TLCD4: variants seen among roughly 807,000 people sequenced by gnomAD.
TLCD4 encodes TLC domain-containing protein 4.
TLCD4 carries 7 observed loss-of-function variants against 24.2 expected under a neutral mutation model. The ratio of observed to expected loss-of-function variants is 0.29; its 90% confidence interval spans 0.16 to 0.54. The LOEUF is 0.54. Among genes scored for constraint, TLCD4 ranks in the 20% least tolerant of loss-of-function variants. TLCD4 has a pLI of 0.95. For missense variants in TLCD4, 259 were observed against 313.9 expected (o/e 0.82, Z 1.32); for synonymous variants, 103 against 106.4 (o/e 0.97, Z 0.20).
intron 6 of TLCD4, among the ~76,000 whole-genome samples, chr1:95,174,679 T>TA (rs1434673786): frequency 1.3e-5 from 2 of 152,160 alleles, no homozygotes; most frequent in African/African-American, 2.4e-5. Context: ...ACCCTGTCTG[T>TA]AAAAAATTTA....
At chr1:95,142,130 CTTT>C (rs35609217) in intron 1 of TLCD4, among the ~76,000 whole-genome samples, 2 of 119,272 alleles carry the variant, frequency 1.7e-5, no homozygotes, top group Middle Eastern at 4.3e-3. Context: ...GCCTTAGTGC[CTTT>C]TTTTTTTTTT....
the TLCD4 span, among the ~76,000 whole-genome samples, chr1:95,110,798 A>G: frequency 4.0e-5 from 6 of 149,668 alleles, no homozygotes; most frequent in Non-Finnish European, 8.9e-5. Context: ...TGGAGGTTGC[A>G]GTGAGCTGAG....
At chr1:95,122,653 G>A (rs1469109553) in intron 1 of TLCD4, among the ~76,000 whole-genome samples, 1 of 152,118 alleles carries the variant, frequency 6.6e-6, no homozygotes, top group Non-Finnish European at 1.5e-5. Context: ...CTGACTCCAT[G>A]GAGCTCAATT....
At chr1:95,097,620 G>GTTGTA in the TLCD4 span, among the ~76,000 whole-genome samples, 1 of 152,218 alleles carries the variant, frequency 6.6e-6, no homozygotes, top group Non-Finnish European at 1.5e-5. Context: ...TACCTAAGAG[G>GTTGTA]TGTGTGTGAG....
intron 6 of TLCD4, among the ~76,000 whole-genome samples, chr1:95,174,853 G>A (rs1557694833): frequency 6.6e-6 from 1 of 152,112 alleles, no homozygotes. Flanking sequence ...TCTGCTCACT[G>A]CAACCTCCAC....
At chr1:95,181,098 G>GA (rs1339109440) in intron 6 of TLCD4, among the ~76,000 whole-genome samples, 5 of 150,600 alleles carry the variant, frequency 3.3e-5, no homozygotes, top group African/African-American at 1.2e-4. Context: ...CTCTGTCTCA[G>GA]AAAAAAACAA....
chr1:95,096,164 A>G, the TLCD4 span, among the ~76,000 whole-genome samples: 1 of 152,250 alleles, frequency 6.6e-6, no homozygotes, highest in Non-Finnish European at 1.5e-5. Flanking sequence ...CCAATTAGCC[A>G]TTCAAATTTT....
At chr1:95,178,755 TA>T (rs1387571560) in intron 6 of TLCD4, among the ~76,000 whole-genome samples, 9 of 152,152 alleles carry the variant, frequency 5.9e-5, no homozygotes, top group East Asian at 1.9e-4. Flanking sequence ...AATATTCCTG[TA>T]TTATAGTCAT....
intron 1 of TLCD4, among the ~76,000 whole-genome samples, chr1:95,139,090 A>G (rs1161477911): frequency 1.3e-5 from 2 of 148,760 alleles, no homozygotes; most frequent in East Asian, 4.0e-4. Flanking sequence ...CGGGAGGATC[A>G]CTTGAGCCTA....
intron 1 of TLCD4, among the ~76,000 whole-genome samples, chr1:95,127,961 T>C (rs899242974): frequency 1.3e-5 from 2 of 152,184 alleles, no homozygotes; most frequent in Admixed American, 6.5e-5. Context: ...GATTTCTTTA[T>C]AAAAGTTTTA....
chr1:95,103,355 G>C, the TLCD4 span, among the ~76,000 whole-genome samples: 4 of 152,132 alleles, frequency 2.6e-5, no homozygotes, highest in African/African-American at 9.7e-5. Flanking sequence ...CTCCTATGTA[G>C]GAAAGAAGAG....
rs573257311 is a variant in TLCD4 at position 95,161,776 on chromosome 1, G to A, written c.399+10357G>A. On this transcript the variant is annotated intron_variant, in intron 5 of 6. Coordinates refer to ENST00000370203, the MANE Select transcript of TLCD4 (RefSeq NM_152487.3). The stretch of plus-strand genomic sequence containing the variant: ...CGTTATGTACCCAGTAGTCATTCAG[G>A]AGCAGGTTGTTCAGTTTCCATGTAG... Among the ~76,000 whole-genome samples the A allele has an allele frequency of 3.3e-5, 5 of 152,306 alleles. No individual in the cohort carries two copies. The South Asian group carries it at 6.2e-4, about 19-fold the overall frequency.
chr1:95,189,067 A>G (rs1347774345), intron 6 of TLCD4, among the ~76,000 whole-genome samples: 1 of 152,196 alleles, frequency 6.6e-6, no homozygotes, highest in Non-Finnish European at 1.5e-5. Flanking sequence ...ATCTCATGGA[A>G]AAAATCTAGC....
In TLCD4 at chr1:95,195,057, G is replaced by C. The variant is rs1679151156; in HGVS notation, c.*3189G>C. 1 of 152,082 alleles carries C rather than the reference G, an allele frequency of 6.6e-6. No homozygotes were observed. Among genetic ancestry groups the C allele is most frequent in the African/African-American group, 2.4e-5 (1 of 41,402 alleles). 9.4% of individuals were successfully genotyped at this position (152,082 alleles called of 1,614,324 possible). A position where few individuals can be genotyped will look rare whatever the true frequency, so the allele number is the denominator to read the frequency against. On this transcript the variant is annotated 3_prime_UTR_variant, in exon 7 of 7. Coordinates refer to ENST00000370203, the MANE Select transcript of TLCD4 (RefSeq NM_152487.3). ...TGATATATTATGGATGACCCAGGAC[G>C]GTCTTAAAGGTCTAGTTTTAAAAAC...
chr1:95,190,096 C>CTTT (rs71097254), intron 6 of TLCD4, among the ~76,000 whole-genome samples: 8 of 135,136 alleles, frequency 5.9e-5, no homozygotes, highest in Non-Finnish European at 1.0e-4. Context: ...TTTGCACTTT[C>CTTT]TTTTTTTTTT....
chr1:95,106,858 C>T, the TLCD4 span, among the ~76,000 whole-genome samples: 1 of 152,164 alleles, frequency 6.6e-6, no homozygotes, highest in Non-Finnish European at 1.5e-5. Flanking sequence ...GCACAGCATG[C>T]AGGTCAAGAT....
At chr1:95,102,964 G>A in the TLCD4 span, among the ~76,000 whole-genome samples, 1 of 144,670 alleles carries the variant, frequency 6.9e-6, no homozygotes, top group South Asian at 2.3e-4. Context: ...TTGTTTGGAA[G>A]AACTACTTTT....
At chr1:95,162,828 C>T (rs1284642490) in intron 5 of TLCD4, among the ~76,000 whole-genome samples, 1 of 152,210 alleles carries the variant, frequency 6.6e-6, no homozygotes, top group African/African-American at 2.4e-5. Flanking sequence ...TGAACATTGG[C>T]CCCCACTCTG....
intron 1 of TLCD4, among the ~76,000 whole-genome samples, chr1:95,143,113 C>A (rs1271656286): frequency 2.0e-5 from 3 of 151,986 alleles, no homozygotes; most frequent in Admixed American, 2.0e-4. Context: ...TGATTGGTTG[C>A]GGAAAGCAAC....
Sources: gnomAD v4.1 joint callset for allele counts (sites outside exome capture counted in the v4.1 genomes callset) on GRCh38, gnomAD v4.1.1 for gene constraint, MANE v1.5 for transcripts, NCBI Gene and HGNC (gene_info 2026-07-23, HGNC 2026-07-21) for gene names.